The following SH3RF3 variants were observed in gnomAD, a reference collection of about 807,000 sequenced individuals.
SH3RF3 encodes the protein E3 ubiquitin-protein ligase SH3RF3.
Under a neutral mutation model 66.3 loss-of-function variants are expected in SH3RF3, and 29 were observed. That is an observed-to-expected ratio of 0.44 (90% confidence interval 0.33 to 0.60). The LOEUF is 0.60. Ranked by LOEUF, SH3RF3 falls within the 20% of genes least tolerant of loss-of-function variation. The pLI, the probability that SH3RF3 is intolerant of heterozygous loss-of-function variation, is 0.04. For missense variants in SH3RF3, 1,194 were observed against 1,190.9 expected, an observed-to-expected ratio of 1.00 and a Z score of -0.04; for synonymous variants, 583 against 532.0, an observed-to-expected ratio of 1.10 and a Z score of -1.32.
chr2:109,381,996 A>G lies in SH3RF3; in HGVS notation c.945+10315A>G, dbSNP rs892343159. Among the ~76,000 whole-genome samples, 6 of 152,106 alleles carry G rather than the reference A, an allele frequency of 3.9e-5. No homozygotes were observed. In the South Asian group the frequency reaches 1.2e-3, roughly 32 times the overall value. On this transcript the variant is annotated intron_variant, in intron 3 of 9. Transcript: ENST00000309415. Reference sequence around the variant, plus strand: ...GGCTCTTTCCATCAACAGGTGAACTATAGGACACAAAGACAGCCTGTGCAC... The same window carrying G: ...GGCTCTTTCCATCAACAGGTGAACTGTAGGACACAAAGACAGCCTGTGCAC...
intron 7 of SH3RF3, among the ~76,000 whole-genome samples, chr2:109,448,842 G>T (rs979490962): frequency 6.6e-6 from 1 of 152,152 alleles, no homozygotes; most frequent in Non-Finnish European, 1.5e-5. Flanking sequence ...GTTGGGGACC[G>T]CTGAGTTAAA....
chr2:109,453,575 A>C (rs540739767), intron 8 of SH3RF3, among the ~76,000 whole-genome samples: 1 of 152,170 alleles, frequency 6.6e-6, no homozygotes, highest in African/African-American at 2.4e-5. Flanking sequence ...TAACCACCCG[A>C]CCGGCCATCA....
At chr2:109,374,818 C>G (rs1029965056) in intron 3 of SH3RF3, among the ~76,000 whole-genome samples, 1 of 152,260 alleles carries the variant, frequency 6.6e-6, no homozygotes, top group Admixed American at 6.5e-5. Flanking sequence ...GAGGGACTCT[C>G]ACCTCGCCTG....
chr2:109,378,942 G>C (rs1436335840), intron 3 of SH3RF3, among the ~76,000 whole-genome samples: 3 of 152,162 alleles, frequency 2.0e-5, no homozygotes, highest in Non-Finnish European at 4.4e-5. Context: ...CTCCAGGACT[G>C]TCTCTCTCTA....
At chr2:109,266,901 T>A (rs1206396106) in intron 1 of SH3RF3, among the ~76,000 whole-genome samples, 2 of 152,184 alleles carry the variant, frequency 1.3e-5, no homozygotes, top group Non-Finnish European at 2.9e-5. Context: ...GACAAGCTGA[T>A]GTATGTCCCT....
At chr2:109,297,730 T>C (rs1681350806) in intron 1 of SH3RF3, among the ~76,000 whole-genome samples, 1 of 141,794 alleles carries the variant, frequency 7.1e-6, no homozygotes, top group Non-Finnish European at 1.5e-5. Flanking sequence ...GGTCCGTGCC[T>C]CCCACCAGGA....
intron 2 of SH3RF3, among the ~76,000 whole-genome samples, chr2:109,357,895 T>C (rs1389489983): frequency 3.9e-5 from 6 of 152,220 alleles, no homozygotes; most frequent in Non-Finnish European, 8.8e-5. Context: ...GTGCATTTGT[T>C]ACAATCAATG....
intron 1 of SH3RF3, among the ~76,000 whole-genome samples, chr2:109,244,966 A>C (rs576903279): frequency 6.6e-5 from 10 of 152,272 alleles, no homozygotes; most frequent in African/African-American, 2.2e-4. Flanking sequence ...ATCAGGTGCC[A>C]GTATCTCTAT....
chr2:109,364,304 A>C (rs1287191856), intron 2 of SH3RF3, among the ~76,000 whole-genome samples: 1 of 152,070 alleles, frequency 6.6e-6, no homozygotes, highest in African/African-American at 2.4e-5. Flanking sequence ...TTTCTGCTAC[A>C]GGGTTTTTGA....
intron 3 of SH3RF3, among the ~76,000 whole-genome samples, chr2:109,376,778 C>T (rs149384122): frequency 1.7e-4 from 26 of 152,354 alleles, no homozygotes; most frequent in African/African-American, 4.6e-4. Flanking sequence ...TCACCCCACA[C>T]GTGCATGTGG....
At chr2:109,244,406 G>A (rs1328154020) in intron 1 of SH3RF3, among the ~76,000 whole-genome samples, 1 of 152,178 alleles carries the variant, frequency 6.6e-6, no homozygotes, top group Non-Finnish European at 1.5e-5. Flanking sequence ...ACTATATTCA[G>A]TCTTTAGGCA....
intron 9 of SH3RF3, among the ~76,000 whole-genome samples, chr2:109,493,070 C>T (rs1414945405): frequency 1.3e-5 from 2 of 151,916 alleles, no homozygotes; most frequent in African/African-American, 4.8e-5. Flanking sequence ...ACACACACAC[C>T]ACACATACAC....
chr2:109,160,862 C>A (rs1677471772), intron 1 of SH3RF3, among the ~76,000 whole-genome samples: 1 of 152,130 alleles, frequency 6.6e-6, no homozygotes, highest in Non-Finnish European at 1.5e-5. Flanking sequence ...CCAGGAGAGG[C>A]TGCAAGGCTG....
chr2:109,381,875 G>A (rs1376712631), intron 3 of SH3RF3, among the ~76,000 whole-genome samples: 4 of 152,054 alleles, frequency 2.6e-5, no homozygotes, highest in Non-Finnish European at 5.9e-5. Flanking sequence ...TGTTTATAAG[G>A]GGAGCTGAGT....
chr2:109,403,734 C>T (rs1407246400), intron 4 of SH3RF3, among the ~76,000 whole-genome samples: 3 of 152,196 alleles, frequency 2.0e-5, no homozygotes, highest in African/African-American at 7.2e-5. Flanking sequence ...AGTTGCTGAA[C>T]CTCTTGGAGC....
At chr2:109,275,743 G>C (rs532971069) in intron 1 of SH3RF3, among the ~76,000 whole-genome samples, 2 of 152,080 alleles carry the variant, frequency 1.3e-5, no homozygotes, top group African/African-American at 4.8e-5. Context: ...TTCCTCTCCC[G>C]GACAGCCGCA....
intron 1 of SH3RF3, among the ~76,000 whole-genome samples, chr2:109,197,998 T>C (rs754044670): frequency 1.3e-5 from 2 of 152,094 alleles, no homozygotes; most frequent in Non-Finnish European, 2.9e-5. Context: ...TTTCACAGAG[T>C]TGACCTGTAG....
rs151114647 is a variant in SH3RF3 at position 109,427,382 on chromosome 2, A to G, written c.1404-5119A>G. Among the ~76,000 whole-genome samples, 29 of 152,356 alleles carry G rather than the reference A, an allele frequency of 1.9e-4. 1 individual carries two copies. In the East Asian group the frequency reaches 3.9e-3, roughly 20 times the overall value. ...AATTTTTACATATATTGGTAAACCAAAAATTCGGGTGACAGTTTATTGCAA... is the reference window on the plus strand; with the variant it reads ...AATTTTTACATATATTGGTAAACCAGAAATTCGGGTGACAGTTTATTGCAA... On this transcript the variant is annotated intron_variant, in intron 5 of 9. Transcript: ENST00000309415.
chr2:109,324,248 C>T (rs1215378074), intron 1 of SH3RF3, among the ~76,000 whole-genome samples: 7 of 152,218 alleles, frequency 4.6e-5, no homozygotes, highest in African/African-American at 1.7e-4. Flanking sequence ...TTTTCACCAT[C>T]ACAGGTAGTG....
Sources: gnomAD v4.1 joint callset for allele counts (sites outside exome capture counted in the v4.1 genomes callset) on GRCh38, gnomAD v4.1.1 for gene constraint, MANE v1.5 for transcripts, NCBI Gene and HGNC (gene_info 2026-07-23, HGNC 2026-07-21) for gene names.